ROBO1: variants seen among roughly 807,000 people sequenced by gnomAD.
ROBO1 encodes the protein roundabout homolog 1.
ROBO1 carries 149 observed loss-of-function variants against 195.9 expected under a neutral mutation model. That is an observed-to-expected ratio of 0.76 (90% CI 0.67 to 0.87). The LOEUF (loss-of-function observed/expected upper bound fraction) is 0.87. Ranked by LOEUF, ROBO1 falls within the 40% of genes least tolerant of loss-of-function variation. The probability of loss-of-function intolerance (pLI) is 0.00; values close to 1 mark genes in which losing one functional copy is unlikely to be tolerated. For missense variants in ROBO1, 1,933 were observed against 2,068.3 expected, an observed-to-expected ratio of 0.93 and a Z score of 1.27; for synonymous variants, 816 against 733.2, an observed-to-expected ratio of 1.11 and a Z score of -1.82.
intron 2 of ROBO1, among the ~76,000 whole-genome samples, chr3:79,378,449 G>A (rs1291340680): frequency 2.0e-5 from 3 of 152,016 alleles, no homozygotes; most frequent in Admixed American, 2.0e-4. Context: ...AATCCCTCAA[G>A]GTGTTGTTCT....
At chr3:79,642,263 C>T (rs1452836664) in intron 1 of ROBO1, among the ~76,000 whole-genome samples, 47 of 151,872 alleles carry the variant, frequency 3.1e-4, no homozygotes, top group Non-Finnish European at 2.9e-5. Context: ...ACAAAGATTG[C>T]CCAGAAGATA....
At chr3:78,678,956 A>T (rs2080812704) in intron 10 of ROBO1, among the ~76,000 whole-genome samples, 2 of 152,160 alleles carry the variant, frequency 1.3e-5, no homozygotes. Context: ...ATCCAGTAGC[A>T]CATCAAAAAG....
chr3:78,807,802 A>C (rs965606236), intron 4 of ROBO1, among the ~76,000 whole-genome samples: 3 of 152,336 alleles, frequency 2.0e-5, no homozygotes, highest in Non-Finnish European at 4.4e-5. Context: ...TGAAGCTCTC[A>C]AGGGAAGATG....
chr3:78,828,659 T>G (rs1204405236), intron 4 of ROBO1, among the ~76,000 whole-genome samples: 1 of 150,832 alleles, frequency 6.6e-6, no homozygotes, highest in Admixed American at 6.6e-5. Flanking sequence ...TCATGGAATA[T>G]TGTAACCATT....
intron 4 of ROBO1, among the ~76,000 whole-genome samples, chr3:78,920,293 G>A (rs2038860717): frequency 6.6e-6 from 1 of 151,658 alleles, no homozygotes; most frequent in Non-Finnish European, 1.5e-5. Flanking sequence ...AAGGATTATA[G>A]GCATGGACAA....
At chr3:78,910,772 A>T (rs1418411964) in intron 4 of ROBO1, among the ~76,000 whole-genome samples, 1 of 131,620 alleles carries the variant, frequency 7.6e-6, no homozygotes, top group Admixed American at 7.3e-5. Flanking sequence ...ATTGCATTAA[A>T]GATCACAGTT....
At chr3:79,682,731 C>T (rs1308108284) in intron 1 of ROBO1, among the ~76,000 whole-genome samples, 1 of 151,954 alleles carries the variant, frequency 6.6e-6, no homozygotes, top group Non-Finnish European at 1.5e-5. Flanking sequence ...AGAACTTCCT[C>T]ATTACAGAAT....
At chr3:79,752,887 G>T (rs1473787116) in intron 1 of ROBO1, among the ~76,000 whole-genome samples, 1 of 151,782 alleles carries the variant, frequency 6.6e-6, no homozygotes, top group Non-Finnish European at 1.5e-5. Flanking sequence ...AAAGACTGAG[G>T]GAAATCCCAA....
At chr3:79,551,313 A>C (rs540372897) in intron 2 of ROBO1, among the ~76,000 whole-genome samples, 2 of 151,760 alleles carry the variant, frequency 1.3e-5, no homozygotes, top group Admixed American at 1.3e-4. Context: ...CATTAGGTAT[A>C]TCTCCTAAAG....
At chr3:79,151,827 C>T (rs2080777165) in intron 2 of ROBO1, among the ~76,000 whole-genome samples, 1 of 151,758 alleles carries the variant, frequency 6.6e-6, no homozygotes, top group Non-Finnish European at 1.5e-5. Flanking sequence ...ACTCACCACT[C>T]TTGTCTCTGC....
intron 3 of ROBO1, among the ~76,000 whole-genome samples, chr3:79,057,506 G>C (rs1285923117): frequency 6.6e-6 from 1 of 151,782 alleles, no homozygotes; most frequent in African/African-American, 2.4e-5. Context: ...AATCAAAATG[G>C]GTCTGGTTCA....
At chr3:79,020,417 C>G (rs921526889) in intron 3 of ROBO1, among the ~76,000 whole-genome samples, 1 of 152,198 alleles carries the variant, frequency 6.6e-6, no homozygotes, top group Non-Finnish European at 1.5e-5. Context: ...AGTGGCCAGG[C>G]GCTGTGGCTC....
rs1308055555 is a variant in ROBO1, at chr3:79,569,673, GTATATATGTGTGTGTGTATA to G, written c.88+20131_88+20150del. Among the ~76,000 whole-genome samples the G allele has an allele frequency of 1.3e-3, 109 of 85,750 alleles. 1 individual carries two copies. Among genetic ancestry groups the G allele is most frequent in the Admixed American group, 3.1e-3 (29 of 9,508 alleles). The allele number at this position is 85,750 out of a possible 152,430, so 56.3% of individuals were successfully genotyped here. A position where few individuals can be genotyped will look rare whatever the true frequency, so the allele number is the denominator to read the frequency against. Reference sequence around the variant, plus strand: ...TGTGTGTGTGTGTGTGTGTGTGTGTGTATATATGTGTGTGTGTATATATATATGTGTGTGTGTATATATAT... The same window carrying G: ...TGTGTGTGTGTGTGTGTGTGTGTGTGTATATATGTGTGTGTGTATATATAT... On this transcript the variant is annotated intron_variant, in intron 2 of 30. Coordinates refer to ENST00000464233, the MANE Select transcript of ROBO1 (RefSeq NM_002941.4).
chr3:79,257,527 G>C (rs1480440299), intron 2 of ROBO1, among the ~76,000 whole-genome samples: 1 of 152,100 alleles, frequency 6.6e-6, no homozygotes, highest in Admixed American at 6.6e-5. Context: ...TCCATGTTTT[G>C]GTACAAGTGT....
At chr3:78,619,839 G>A (rs969273427) in intron 26 of ROBO1, among the ~76,000 whole-genome samples, 39 of 151,690 alleles carry the variant, frequency 2.6e-4, no homozygotes, top group Non-Finnish European at 7.4e-5. Flanking sequence ...CCAACACGAC[G>A]AAACCCTGTC....
At chr3:79,253,332 ACT>A (rs2082767551) in intron 2 of ROBO1, among the ~76,000 whole-genome samples, 1 of 152,036 alleles carries the variant, frequency 6.6e-6, no homozygotes, top group Non-Finnish European at 1.5e-5. Context: ...ATTAAGAGAG[ACT>A]CTGTGCTAAG....
intron 4 of ROBO1, among the ~76,000 whole-genome samples, chr3:78,928,764 C>T (rs1409025363): frequency 2.6e-5 from 4 of 152,178 alleles, no homozygotes; most frequent in African/African-American, 9.7e-5. Context: ...TGAGAACACT[C>T]TCATAAGCTA....
chr3:79,370,874 C>T (rs2036168404), intron 2 of ROBO1, among the ~76,000 whole-genome samples: 1 of 151,316 alleles, frequency 6.6e-6, no homozygotes, highest in African/African-American at 2.4e-5. Context: ...GTGTGATGTT[C>T]CCCTCCCTGT....
At chr3:79,721,305 T>C (rs1363502128) in intron 1 of ROBO1, among the ~76,000 whole-genome samples, 1 of 151,934 alleles carries the variant, frequency 6.6e-6, no homozygotes, top group East Asian at 1.9e-4. Context: ...AGAGAAACAA[T>C]TACAGTAGGA....
Sources: gnomAD v4.1 joint callset for allele counts (sites outside exome capture counted in the v4.1 genomes callset) on GRCh38, gnomAD v4.1.1 for gene constraint, MANE v1.5 for transcripts, NCBI Gene and HGNC (gene_info 2026-07-23, HGNC 2026-07-21) for gene names.